ZNF557: variants seen among roughly 807,000 people sequenced by gnomAD.
ZNF557 encodes zinc finger protein 557.
Under a neutral mutation model 21.2 loss-of-function variants are expected in ZNF557, and 19 were observed. That is an observed-to-expected ratio of 0.90 (90% CI 0.63 to 1.32). The LOEUF (loss-of-function observed/expected upper bound fraction) is 1.32. Ranked by LOEUF, ZNF557 falls within the 40% of genes most tolerant of loss-of-function variation. ZNF557 has a pLI of 0.00. For synonymous variants in ZNF557, 207 were observed against 194.8 expected, an observed-to-expected ratio of 1.06 and a Z score of -0.52; for missense variants, 487 against 519.8, an observed-to-expected ratio of 0.94 and a Z score of 0.61.
Position 7,084,948 on chromosome 19 carries a change from A to C in ZNF557, c.*1204A>C, listed in dbSNP as rs1013975958. The C allele has an allele frequency of 3.3e-5, 5 of 152,224 alleles. No individual in the cohort carries two copies. The highest frequency in any genetic ancestry group is 1.3e-4 in the Admixed American group (2 of 15,280). The allele number at this position is 152,224 out of a possible 1,614,324, so 9.4% of individuals were successfully genotyped here. ...TTCCTTAAGTCACATTTCGGAGATCATACAACAGAGGAATATGTTGAGTAT... is the reference window on the plus strand; with the variant it reads ...TTCCTTAAGTCACATTTCGGAGATCCTACAACAGAGGAATATGTTGAGTAT... On this transcript the variant is annotated 3_prime_UTR_variant, in exon 8 of 8. Transcript: ENST00000252840.
chr19:7,071,411 C>T (rs918405899), intron 2 of ZNF557, among the ~76,000 whole-genome samples: 16 of 152,164 alleles, frequency 1.1e-4, no homozygotes, highest in African/African-American at 3.4e-4. Flanking sequence ...TGCTTGACAG[C>T]GACATGTGGT....
intron 2 of ZNF557, among the ~76,000 whole-genome samples, chr19:7,071,564 G>A (rs1043948456): frequency 1.3e-5 from 2 of 152,162 alleles, no homozygotes; most frequent in Non-Finnish European, 2.9e-5. Flanking sequence ...TTGTGGCCAG[G>A]AGCAGTGGCT....
intron 3 of ZNF557, 122 bp downstream of exon 3, chr19:7,075,227 G>A: frequency 1.5e-6 from 2 of 1,379,120 alleles, no homozygotes; most frequent in Admixed American, 1.8e-5. Context: ...GGGGCCCAGA[G>A]GTCCTCCGTG....
chr19:7,073,150 T>TTG (rs1192102766), intron 2 of ZNF557, among the ~76,000 whole-genome samples: 1 of 43,122 alleles, frequency 2.3e-5, no homozygotes, highest in African/African-American at 9.1e-5. Flanking sequence ...TTTTTTTGGT[T>TTG]TTTTTTGTTT....
intron 2 of ZNF557, among the ~76,000 whole-genome samples, chr19:7,072,732 T>C (rs748634775): frequency 1.5e-4 from 23 of 152,320 alleles, no homozygotes; most frequent in Non-Finnish European, 2.5e-4. Flanking sequence ...AGTCCCCTTC[T>C]TCCCAGATCC....
At chr19:7,076,559 T>C in intron 5 of ZNF557, 52 bp downstream of exon 5, 2 of 1,576,570 alleles carry the variant, frequency 1.3e-6, no homozygotes, top group Non-Finnish European at 1.7e-6. Context: ...AAGTCAGTCT[T>C]TTTTTTCTTT....
At chr19:7,081,909 A>G in intron 6 of ZNF557, 61 bp from the exon 7 acceptor site, 1 of 1,295,018 alleles carries the variant, frequency 7.7e-7, no homozygotes, top group South Asian at 1.2e-5. Context: ...TTACTATTTC[A>G]CCATCAACTT....
chr19:7,078,521 C>T (rs1163866685), intron 5 of ZNF557, among the ~76,000 whole-genome samples: 1 of 151,520 alleles, frequency 6.6e-6, no homozygotes, highest in Non-Finnish European at 1.5e-5. Flanking sequence ...ACCTCTGCCT[C>T]CTGGGTTCAA....
chr19:7,080,914 C>T (rs1199009013), intron 5 of ZNF557, among the ~76,000 whole-genome samples: 1 of 152,162 alleles, frequency 6.6e-6, no homozygotes, highest in African/African-American at 2.4e-5. Flanking sequence ...TTCATAAGCA[C>T]CTCTGTTCCT....
chr19:7,072,947 G>C (rs1977492484), intron 2 of ZNF557, among the ~76,000 whole-genome samples: 1 of 152,076 alleles, frequency 6.6e-6, no homozygotes, highest in Non-Finnish European at 1.5e-5. Flanking sequence ...CTGCAGAAGG[G>C]ATTTGAGAGG....
Position 7,070,605 on chromosome 19 carries a change from C to T in ZNF557, c.-128C>T, listed in dbSNP as rs1353233568. 1 of 152,118 alleles carries T rather than the reference C, an allele frequency of 6.6e-6. No homozygotes were observed. Among genetic ancestry groups the T allele is most frequent in the African/African-American group, 2.4e-5 (1 of 41,406 alleles). The allele number at this position is 152,118 out of a possible 1,614,324, so 9.4% of individuals were successfully genotyped here. On this transcript the variant is annotated 5_prime_UTR_variant, in exon 2 of 8. Coordinates refer to ENST00000252840, the MANE Select transcript of ZNF557 (RefSeq NM_024341.3). ...AAGCTCAGATTTGTGTTGAAACCAG[C>T]CTCAAGTTTCACCTATCCTCACTGA...
At position 7,083,183 on chromosome 19, in the gene ZNF557, C is replaced by T; in HGVS notation, c.732C>T (p.Thr244=). 1 of 1,614,202 alleles carries T rather than the reference C, an allele frequency of 6.2e-7. No homozygotes were observed. The highest frequency in any genetic ancestry group is 1.3e-5 in the African/African-American group (1 of 75,048). The part of the protein sequence containing the change: ...KPYECSDCGK[T]FSNSSYLRPH... ...ACGAATGCAGTGACTGTGGGAAAAC[C>T]TTCAGCAATTCCTCATACCTCAGAC... Residue 244 remains threonine, a synonymous_variant, in exon 8 of 8, where the codon ACC becomes ACT. Coordinates refer to ENST00000252840, the MANE Select transcript of ZNF557 (RefSeq NM_024341.3).
chr19:7,080,484 T>C (rs1977678264), intron 5 of ZNF557, among the ~76,000 whole-genome samples: 1 of 152,174 alleles, frequency 6.6e-6, no homozygotes, highest in Non-Finnish European at 1.5e-5. Context: ...CCCTCCAGCT[T>C]CCATAGGTGT....
In ZNF557 at chr19:7,075,670, TC is replaced by T. The variant is rs1241854906; in HGVS notation, c.50del (p.Pro17GlnfsTer19). ...LPPTAALSSLFPASQREGHTE... is the reference protein window; with the variant it reads ...LPPTAALSSLXPASQREGHTE... ...CCTCCTCCAGCTCTGTCTTCCCTGT[TC>T]CCAGCCTCTCAGCGAGAAGGACACA... On this transcript the variant is annotated frameshift_variant, in exon 4 of 8. Transcript: ENST00000252840. LOFTEE classifies it high-confidence loss of function. The T allele has an allele frequency of 1.2e-6, 2 of 1,613,624 alleles. No individual in the cohort carries two copies. The highest frequency in any genetic ancestry group is 1.7e-6 in the Non-Finnish European group (2 of 1,179,634).
chr19:7,076,395 T>A lies in ZNF557; in HGVS notation c.135T>A (p.Phe45Leu). 1 of 1,614,168 alleles carries A rather than the reference T, an allele frequency of 6.2e-7. No individual in the cohort carries two copies. Among genetic ancestry groups the A allele is most frequent in the Non-Finnish European group, 8.5e-7 (1 of 1,180,046 alleles). ...LKSWLKGLVTFEDVAVEFTQE... is the reference protein window; with the variant it reads ...LKSWLKGLVTLEDVAVEFTQE... ...CAATGCTTTAGGGCTTGGTGACCTTTGAGGATGTGGCCGTGGAGTTCACCC... is the reference window on the plus strand; with the variant it reads ...CAATGCTTTAGGGCTTGGTGACCTTAGAGGATGTGGCCGTGGAGTTCACCC... The change falls in exon 5 of 8, where the codon TTT (phenylalanine) becomes TTA (leucine). Residue 45 changes from phenylalanine (F) to leucine (L), a missense_variant. Phe to Leu is a conservative substitution (Grantham distance 22). Coordinates refer to ENST00000252840, the MANE Select transcript of ZNF557 (RefSeq NM_024341.3).
At position 7,086,356 on chromosome 19, in the gene ZNF557, CTTTTTTTTTTTTT is replaced by C. The variant is rs57651395; in HGVS notation, c.*2623_*2635del. On this transcript the variant is annotated 3_prime_UTR_variant, in exon 8 of 8. Coordinates refer to ENST00000252840, the MANE Select transcript of ZNF557 (RefSeq NM_024341.3). The stretch of plus-strand genomic sequence containing the variant: ...TGTCCTAATATAGCAAATACTGTTT[CTTTTTTTTTTTTT>C]TTTTTTTTTTGAGACGGAGTCTTGC... 1.4e-4 allele frequency: 12 copies of C among 86,654 alleles called. No homozygotes were observed. Among genetic ancestry groups the C allele is most frequent in the Admixed American group, 3.2e-4 (2 of 6,244 alleles). The allele number at this position is 86,654 out of a possible 1,614,324, so 5.4% of individuals were successfully genotyped here. A position where few individuals can be genotyped will look rare whatever the true frequency, so the allele number is the denominator to read the frequency against.
chr19:7,075,228 G>T (rs916231431), intron 3 of ZNF557, 123 bp downstream of exon 3: 83 of 1,357,444 alleles, frequency 6.1e-5, no homozygotes, highest in Non-Finnish European at 8.7e-5. Context: ...GGGCCCAGAG[G>T]TCCTCCGTGT....
At chr19:7,081,151 GT>G (rs1342327215) in intron 5 of ZNF557, among the ~76,000 whole-genome samples, 385 of 6,108 alleles carry the variant, frequency 0.063, 4 homozygotes, top group South Asian at 0.36. Context: ...TGCTTGTGGG[GT>G]GTGTGTGTGT....
chr19:7,070,766 A>T (rs1281977940), intron 2 of ZNF557, 113 bp downstream of exon 2: 2 of 137,574 alleles, frequency 1.5e-5, no homozygotes, highest in Non-Finnish European at 1.6e-5. Flanking sequence ...CAGTGAGGGT[A>T]TTTTTTTTTT....
Sources: gnomAD v4.1 joint callset for allele counts (sites outside exome capture counted in the v4.1 genomes callset) on GRCh38, gnomAD v4.1.1 for gene constraint, MANE v1.5 for transcripts, NCBI Gene and HGNC (gene_info 2026-07-23, HGNC 2026-07-21) for gene names.